The following FADS3 variants were observed in gnomAD, a reference collection of about 807,000 sequenced individuals.
FADS3 encodes the protein cytochrome b5-related protein.
In FADS3, 30 loss-of-function variants were observed where a neutral mutation model predicts 60.4. The ratio of observed to expected loss-of-function variants is 0.50; its 90% CI spans 0.37 to 0.67. The LOEUF is 0.67. Ranked by LOEUF, FADS3 falls within the 30% of genes least tolerant of loss-of-function variation. FADS3 has a pLI of 0.00. For missense variants in FADS3, 432 were observed against 598.3 expected (o/e 0.72, Z 2.90); for synonymous variants, 234 against 249.3 (o/e 0.94, Z 0.58).
intron 11 of FADS3, among the ~76,000 whole-genome samples, 178 bp downstream of exon 11, chr11:61,875,673 A>C (rs563983090): frequency 6.6e-6 from 1 of 152,286 alleles, no homozygotes; most frequent in South Asian, 2.1e-4. Flanking sequence ...GTGAGTCTGC[A>C]GTAGGTGCTC....
At position 61,880,026 on chromosome 11, in the gene FADS3, A is replaced by AGGGCTCTGGCTCACATTCAGG; in HGVS notation, c.318_324+14dup. On this transcript the variant is annotated intron_variant, in intron 2 of 11. Transcript: ENST00000278829. ...CTCCCTCAGGGGCTGAGCCTCTCCT[A>AGGGCTCTGGCTCACATTCAGG]GGGCTCTGGCTCACATTCAGGGGTC... 1.3e-6 allele frequency: 2 copies of AGGGCTCTGGCTCACATTCAGG among 1,597,074 alleles called. No individual in the cohort carries two copies. Among genetic ancestry groups the AGGGCTCTGGCTCACATTCAGG allele is most frequent in the African/African-American group, 2.7e-5 (2 of 74,728 alleles).
At position 61,873,853 on chromosome 11, in the gene FADS3, C is replaced by T. The variant is rs766604844; in HGVS notation, c.1299G>A (p.Lys433=). 3 of 1,597,136 alleles carry T rather than the reference C, an allele frequency of 1.9e-6. No individual in the cohort carries two copies. In the East Asian group the frequency reaches 6.8e-5, roughly 36 times the overall value. The change falls in exon 12 of 12, where the codon AAG becomes AAA. Residue 433 remains lysine (K), a synonymous_variant. Transcript: ENST00000278829. ...AGGCGTCCAGCCAGATGTCACCAGA[C>T]TTCTTCAGGGACCTGGGAGGTGGGG... is the stretch of plus-strand genomic sequence containing the variant. The part of the protein sequence containing the change: ...ALVDIVRSLK[K]SGDIWLDAYL...
At chr11:61,888,385 T>G (rs992741072) in intron 1 of FADS3, among the ~76,000 whole-genome samples, 2 of 152,234 alleles carry the variant, frequency 1.3e-5, no homozygotes, top group Non-Finnish European at 2.9e-5. Flanking sequence ...TGGGCTCAAC[T>G]ACACAGGGCA....
intron 1 of FADS3, chr11:61,881,103 G>C (rs947855317): frequency 6.6e-6 from 1 of 152,232 alleles, no homozygotes; most frequent in African/African-American, 2.4e-5. Flanking sequence ...CTTGAGGCCA[G>C]GAGTTCAAGA....
chr11:61,873,926 C>T, intron 11 of FADS3, 61 bp from the exon 12 acceptor site: 1 of 1,039,592 alleles, frequency 9.6e-7, no homozygotes, highest in Non-Finnish European at 1.5e-6. Flanking sequence ...GATCCTAACA[C>T]CCCTGTATCC....
Position 61,878,778 on chromosome 11 carries a change from C to G in FADS3, c.592G>C (p.Val198Leu), listed in dbSNP as rs116061818. Reference sequence around the variant, plus strand: ...TGCCCCATCACGAACTTCTGGGCCACGTGGTTCCACCAGGACTTCTTGAAG... The same window carrying G: ...TGCCCCATCACGAACTTCTGGGCCAGGTGGTTCCACCAGGACTTCTTGAAG... ...SIFKKSWWNH[V>L]AQKFVMGQLK... The change falls in exon 4 of 12, where the codon GTG (valine) becomes CTG (leucine). Residue 198 changes from valine to leucine, a missense_variant. Val to Leu is a conservative substitution (Grantham distance 32). Coordinates refer to ENST00000278829, the MANE Select transcript of FADS3 (RefSeq NM_021727.5). The G allele has an allele frequency of 4.3e-6, 7 of 1,614,152 alleles. No homozygotes were observed. In the Middle Eastern group the frequency reaches 6.6e-4, roughly 152 times the overall value.
chr11:61,877,887 A>G lies in FADS3; in HGVS notation c.808+268T>C. The G allele has an allele frequency of 5.1e-6, 3 of 593,792 alleles. No homozygotes were observed. The highest frequency in any genetic ancestry group is 9.0e-6 in the Non-Finnish European group (3 of 332,936). The allele number at this position is 593,792 out of a possible 1,614,324, so 36.8% of individuals were successfully genotyped here. On this transcript the variant is annotated intron_variant, in intron 6 of 11. Transcript: ENST00000278829. The surrounding 1 kb of genome is among the most constrained non-coding windows in gnomAD (Gnocchi z 4.7). ...CCGGACCACTCTAGTGAGGGCAAGA[A>G]GAAATTCTACGTGGGGCTTGGGGAA... is the stretch of plus-strand genomic sequence containing the variant.
intron 3 of FADS3, 143 bp from the exon 4 acceptor site, chr11:61,878,990 T>C (rs1591193797): frequency 1.4e-6 from 1 of 703,138 alleles, no homozygotes; most frequent in South Asian, 1.9e-5. Context: ...GTCCTCTTTT[T>C]ACAGATGAGA....
Sources: allele counts gnomAD v4.1 joint callset (sites outside exome capture counted in the v4.1 genomes callset), GRCh38; gene constraint gnomAD v4.1.1; non-coding constraint Gnocchi (gnomAD v3.1); transcripts MANE v1.5; gene names NCBI Gene and HGNC (gene_info 2026-07-23, HGNC 2026-07-21).